The following NPAS3 variants were observed in gnomAD, a reference collection of about 807,000 sequenced individuals.
NPAS3 encodes neuronal PAS domain protein 3.
Under a neutral mutation model 73.1 loss-of-function variants are expected in NPAS3, and 14 were observed. That is an observed-to-expected ratio of 0.19 (90% CI 0.13 to 0.30). NPAS3 has a LOEUF of 0.30. Among genes scored for constraint, NPAS3 ranks in the 10% least tolerant of loss-of-function variants. NPAS3 has a pLI of 1.00. For synonymous variants in NPAS3, 620 were observed against 541.5 expected, an observed-to-expected ratio of 1.14 and a Z score of -2.01; for missense variants, 1,096 against 1,250.0, an observed-to-expected ratio of 0.88 and a Z score of 1.86.
chr14:33,268,164 C>T (rs1237365397), intron 3 of NPAS3, among the ~76,000 whole-genome samples: 1 of 152,116 alleles, frequency 6.6e-6, no homozygotes, highest in Non-Finnish European at 1.5e-5. Context: ...AAAGCCCCTT[C>T]TCTTGTCCAT....
In NPAS3 at chr14:33,733,947, G is replaced by C. The variant is rs1161006542; in HGVS notation, c.734-1267G>C. On this transcript the variant is annotated intron_variant, in intron 6 of 11. Coordinates refer to ENST00000356141, the Ensembl canonical transcript of NPAS3. The stretch of plus-strand genomic sequence containing the variant: ...TAGCAAGGTTTCTGTTATTACAGTA[G>C]CTCTCATTCTTCTTTCATCTGAGCA... Among the ~76,000 whole-genome samples, 10 of 152,062 alleles carry C rather than the reference G, an allele frequency of 6.6e-5. 1 individual carries two copies. The highest frequency in any genetic ancestry group is 5.2e-4 in the Admixed American group (8 of 15,260).
chr14:32,950,481 A>T (rs1235897540), intron 1 of NPAS3, among the ~76,000 whole-genome samples: 1 of 152,080 alleles, frequency 6.6e-6, no homozygotes, highest in Non-Finnish European at 1.5e-5. Flanking sequence ...ACATGCATAT[A>T]TTATTGCTGT....
intron 4 of NPAS3, among the ~76,000 whole-genome samples, chr14:33,397,376 A>G (rs1303473): frequency 0.92 from 140,497 of 152,136 alleles, 64,916 homozygotes; most frequent in Admixed American, 0.94. Flanking sequence ...TATTTATATG[A>G]AGAAACTGAA....
chr14:33,107,584 A>G (rs1201985811), intron 2 of NPAS3, among the ~76,000 whole-genome samples: 1 of 152,140 alleles, frequency 6.6e-6, no homozygotes, highest in Non-Finnish European at 1.5e-5. Context: ...AAAAGACACA[A>G]TTTTATTCTA....
chr14:33,559,913 G>A (rs2055556785), intron 4 of NPAS3, among the ~76,000 whole-genome samples: 1 of 151,862 alleles, frequency 6.6e-6, no homozygotes, highest in South Asian at 2.1e-4. Flanking sequence ...CAGCTACTCG[G>A]GAGGCTAAGG....
At chr14:33,453,336 T>G (rs2049886988) in intron 4 of NPAS3, among the ~76,000 whole-genome samples, 2 of 152,238 alleles carry the variant, frequency 1.3e-5, no homozygotes. Context: ...TCAAGAATTT[T>G]AGAGCCAGAG....
At chr14:33,111,755 G>A (rs1438230278) in intron 2 of NPAS3, among the ~76,000 whole-genome samples, 2 of 150,582 alleles carry the variant, frequency 1.3e-5, no homozygotes, top group Non-Finnish European at 2.9e-5. Flanking sequence ...TTGGTGTGTT[G>A]CACCCGTTAA....
intron 3 of NPAS3, among the ~76,000 whole-genome samples, chr14:33,334,374 G>T (rs1398743819): frequency 6.6e-6 from 1 of 152,126 alleles, no homozygotes; most frequent in Non-Finnish European, 1.5e-5. Context: ...CCTACCTGCA[G>T]TCAATCCCTG....
chr14:33,662,962 G>T (rs536049410), intron 5 of NPAS3, among the ~76,000 whole-genome samples: 2 of 139,096 alleles, frequency 1.4e-5, no homozygotes, highest in African/African-American at 5.4e-5. Flanking sequence ...CTGGGTTCAC[G>T]CCATTCTCCT....
chr14:33,078,263 A>G (rs946724757), intron 2 of NPAS3, among the ~76,000 whole-genome samples: 1 of 152,260 alleles, frequency 6.6e-6, no homozygotes, highest in African/African-American at 2.4e-5. Flanking sequence ...TTTGTTTCAC[A>G]GACCCAATGA....
intron 4 of NPAS3, among the ~76,000 whole-genome samples, chr14:33,376,484 A>T (rs1594794659): frequency 6.6e-6 from 1 of 152,280 alleles, no homozygotes; most frequent in Admixed American, 6.5e-5. Context: ...ATGCCAGTAT[A>T]TTCAGAGTGT....
chr14:33,198,223 ACAAAGCTTC>A (rs1369283370), intron 2 of NPAS3, among the ~76,000 whole-genome samples: 1 of 152,216 alleles, frequency 6.6e-6, no homozygotes, highest in African/African-American at 2.4e-5. Context: ...GAGCAAAAGA[ACAAAGCTTC>A]CACAGCATGG....
chr14:33,202,488 CA>C (rs776003219), intron 2 of NPAS3, among the ~76,000 whole-genome samples: 2 of 151,942 alleles, frequency 1.3e-5, no homozygotes, highest in Non-Finnish European at 2.9e-5. Context: ...TGTAATTCCT[CA>C]AAGGCAGATT....
At chr14:33,435,033 G>A (rs1313854848) in intron 4 of NPAS3, among the ~76,000 whole-genome samples, 1 of 152,158 alleles carries the variant, frequency 6.6e-6, no homozygotes, top group East Asian at 1.9e-4. Context: ...CCTGCAGATT[G>A]GAGATGTTTA....
At chr14:33,092,409 A>G (rs1277702269) in intron 2 of NPAS3, among the ~76,000 whole-genome samples, 1 of 152,184 alleles carries the variant, frequency 6.6e-6, no homozygotes, top group African/African-American at 2.4e-5. Flanking sequence ...TCCAACTTAC[A>G]AGGGATGTGG....
intron 3 of NPAS3, among the ~76,000 whole-genome samples, chr14:33,296,942 C>T (rs1387435827): frequency 6.6e-6 from 1 of 152,184 alleles, no homozygotes; most frequent in East Asian, 1.9e-4. Flanking sequence ...TGTACTTGAG[C>T]CAGCAGGCAG....
At position 33,546,116 on chromosome 14, in the gene NPAS3, A is replaced by G. The variant is rs535456243; in HGVS notation, c.469-14005A>G. ...GGCCAGGAGTCTACCTCTATAGCAT[A>G]GAAACCCCTGCCTGTTTTCTGGTGC... On this transcript the variant is annotated intron_variant, in intron 4 of 11. Coordinates refer to ENST00000356141, the Ensembl canonical transcript of NPAS3. Among the ~76,000 whole-genome samples, 49 of 152,298 alleles carry G rather than the reference A, an allele frequency of 3.2e-4. 1 individual carries two copies. Among genetic ancestry groups the G allele is most frequent in the Admixed American group, 3.2e-3 (49 of 15,298 alleles).
intron 3 of NPAS3, among the ~76,000 whole-genome samples, chr14:33,322,274 C>G (rs1036788519): frequency 1.3e-5 from 2 of 152,160 alleles, no homozygotes; most frequent in African/African-American, 4.8e-5. Flanking sequence ...ATTCCCATTG[C>G]CTCCGTCAGT....
intron 1 of NPAS3, among the ~76,000 whole-genome samples, chr14:33,016,467 G>C (rs1451216088): frequency 6.6e-6 from 1 of 151,926 alleles, no homozygotes; most frequent in Non-Finnish European, 1.5e-5. Context: ...GATATGGGAG[G>C]CTCTAATAAT....
Sources: gnomAD v4.1 joint callset for allele counts (sites outside exome capture counted in the v4.1 genomes callset) on GRCh38, gnomAD v4.1.1 for gene constraint, MANE v1.5 for transcripts, NCBI Gene and HGNC (gene_info 2026-07-23, HGNC 2026-07-21) for gene names.